ENOPH1: variants seen among roughly 807,000 people sequenced by gnomAD.
The protein encoded by ENOPH1 is enolase-phosphatase E1.
Under a neutral mutation model 31.1 loss-of-function variants are expected in ENOPH1, and 14 were observed. That is an observed-to-expected ratio of 0.45 (90% CI 0.30 to 0.70). The LOEUF is 0.70. ENOPH1 is among the 30% of genes least tolerant of loss of function. ENOPH1 has a pLI of 0.09. For missense variants in ENOPH1, 243 were observed against 321.5 expected (o/e 0.76, Z 1.87); for synonymous variants, 127 against 123.2 (o/e 1.03, Z -0.21).
chr4:82,449,197 G>A (rs1175713724), intron 2 of ENOPH1, among the ~76,000 whole-genome samples: 1 of 152,128 alleles, frequency 6.6e-6, no homozygotes, highest in African/African-American at 2.4e-5. Flanking sequence ...CCGAGATGGC[G>A]CCACTGCACT....
intron 1 of ENOPH1, among the ~76,000 whole-genome samples, chr4:82,447,573 C>T (rs7655096): frequency 0.022 from 3,280 of 152,302 alleles, 123 homozygotes; most frequent in African/African-American, 0.074. Context: ...TTAGGCTTTG[C>T]AGGCCCTATG....
chr4:82,451,170 G>A lies in ENOPH1; in HGVS notation c.314G>A (p.Arg105Gln), dbSNP rs752920017. 36 of 1,614,102 alleles carry A rather than the reference G, an allele frequency of 2.2e-5. No individual in the cohort carries two copies. The highest frequency in any genetic ancestry group is 5.5e-5 in the South Asian group (5 of 91,092). ...DNVCWQMSLD[R>Q]KTTALKQLQG... ...GTGTGCTGGCAGATGTCCCTGGATC[G>A]AAAGACCACTGCACTCAAACAGCTG... Residue 105 changes from arginine to glutamine, a missense_variant, in exon 3 of 6, where the codon CGA (arginine) becomes CAA (glutamine). Coordinates refer to ENST00000273920, the MANE Select transcript of ENOPH1 (RefSeq NM_021204.5).
At chr4:82,456,372 A>T (rs1396940762) in intron 4 of ENOPH1, among the ~76,000 whole-genome samples, 5 of 152,202 alleles carry the variant, frequency 3.3e-5, no homozygotes, top group Non-Finnish European at 5.9e-5. Flanking sequence ...TGGTCAAATT[A>T]GCAAGTTACA....
At chr4:82,454,886 C>A in intron 4 of ENOPH1, 32 bp downstream of exon 4, 1 of 1,588,340 alleles carries the variant, frequency 6.3e-7, no homozygotes, top group Non-Finnish European at 8.6e-7. Context: ...GTTGTTTTGA[C>A]GCTATCAAAG....
chr4:82,438,892 C>T lies in ENOPH1; in HGVS notation c.84+7979C>T, dbSNP rs539059367. ...AAAGAAAACAAAGTATTCTTTTTTA[C>T]AATAAAAGGTTATTTTTATATGAAA... is the stretch of plus-strand genomic sequence containing the variant. On this transcript the variant is annotated intron_variant, in intron 1 of 5. Transcript: ENST00000273920. 2.6e-3 allele frequency among the ~76,000 whole-genome samples: 401 copies of T among 152,260 alleles called. 1 individual carries two copies. The highest frequency in any genetic ancestry group is 9.4e-3 in the African/African-American group (390 of 41,542).
At chr4:82,435,082 T>TACCTCTGGTGTTTG (rs1721873864) in intron 1 of ENOPH1, among the ~76,000 whole-genome samples, 1 of 152,108 alleles carries the variant, frequency 6.6e-6, no homozygotes, top group African/African-American at 2.4e-5. Flanking sequence ...GCAGGACACA[T>TACCTCTGGTGTTTG]ACCTCTGGTG....
At chr4:82,452,030 C>G (rs2110045524) in intron 3 of ENOPH1, among the ~76,000 whole-genome samples, 1 of 151,994 alleles carries the variant, frequency 6.6e-6, no homozygotes, top group South Asian at 2.1e-4. Context: ...ATCTGCCTGC[C>G]TTGGACTCCC....
At chr4:82,440,276 G>A (rs1396217808) in intron 1 of ENOPH1, among the ~76,000 whole-genome samples, 1 of 152,140 alleles carries the variant, frequency 6.6e-6, no homozygotes. Flanking sequence ...CATTTTCTTT[G>A]TATGAAACCT....
At chr4:82,454,078 G>A (rs1340188183) in intron 3 of ENOPH1, among the ~76,000 whole-genome samples, 1 of 150,492 alleles carries the variant, frequency 6.6e-6, no homozygotes, top group African/African-American at 2.4e-5. Flanking sequence ...GCTGGGGGTG[G>A]TAGCACATGC....
At chr4:82,434,470 T>G (rs1721855736) in intron 1 of ENOPH1, among the ~76,000 whole-genome samples, 1 of 151,772 alleles carries the variant, frequency 6.6e-6, no homozygotes, top group Admixed American at 6.6e-5. Flanking sequence ...TCCCAGCACT[T>G]TGGGAGGCCG....
intron 1 of ENOPH1, among the ~76,000 whole-genome samples, chr4:82,431,899 T>A (rs146542214): frequency 1.7e-3 from 256 of 152,028 alleles, no homozygotes; most frequent in African/African-American, 6.0e-3. Flanking sequence ...TTAAAAAAAA[T>A]TATCTGTGAA....
intron 1 of ENOPH1, 110 bp downstream of exon 1, chr4:82,431,023 G>A: frequency 2.7e-6 from 2 of 745,052 alleles, no homozygotes; most frequent in Non-Finnish European, 4.1e-6. Context: ...AGGCGGTGTG[G>A]CTGCCTCTTG....
intron 1 of ENOPH1, among the ~76,000 whole-genome samples, chr4:82,432,381 G>A (rs1560461244): frequency 6.6e-6 from 1 of 151,924 alleles, no homozygotes; most frequent in East Asian, 2.0e-4. Context: ...GTCTCGCTCT[G>A]TTGCCCAGGC....
At chr4:82,444,411 C>T (rs1268461511) in intron 1 of ENOPH1, among the ~76,000 whole-genome samples, 2 of 151,942 alleles carry the variant, frequency 1.3e-5, no homozygotes, top group Non-Finnish European at 2.9e-5. Context: ...TTAGTAGAGA[C>T]GGGGTTTCAC....
At chr4:82,455,169 T>C (rs1237258357) in intron 4 of ENOPH1, among the ~76,000 whole-genome samples, 2 of 152,206 alleles carry the variant, frequency 1.3e-5, no homozygotes, top group African/African-American at 4.8e-5. Flanking sequence ...TTTCTGGCTC[T>C]TTGAAGAAAT....
At chr4:82,458,831 C>T (rs575593602) in intron 5 of ENOPH1, among the ~76,000 whole-genome samples, 2 of 152,248 alleles carry the variant, frequency 1.3e-5, no homozygotes, top group African/African-American at 4.8e-5. Context: ...GAAGACATTC[C>T]CACACAGAGA....
intron 1 of ENOPH1, 52 bp downstream of exon 1, chr4:82,430,965 A>G (rs1207072656): frequency 6.5e-7 from 1 of 1,542,804 alleles, no homozygotes; most frequent in Non-Finnish European, 8.9e-7. Flanking sequence ...AACAGTTATT[A>G]TTTTTTCTAA....
In ENOPH1 at chr4:82,460,139, G is replaced by C; in HGVS notation, c.*19G>C. On this transcript the variant is annotated 3_prime_UTR_variant, in exon 6 of 6. Coordinates refer to ENST00000273920, the MANE Select transcript of ENOPH1 (RefSeq NM_021204.5). The stretch of plus-strand genomic sequence containing the variant: ...AACCTAGAGAAGGGTTGTTAAGGCA[G>C]ACCGCCCTGTTCCCCAGAGTTGTCC... 6.2e-7 allele frequency: 1 copy of C among 1,613,900 alleles called. No individual in the cohort carries two copies. The highest frequency in any genetic ancestry group is 8.5e-7 in the Non-Finnish European group (1 of 1,179,838).
At position 82,451,233 on chromosome 4, in the gene ENOPH1, G is replaced by T. The variant is rs148501831; in HGVS notation, c.377G>T (p.Arg126Leu). ...HMWRAAFTAG[R>L]MKAEFFADVV... Reference sequence around the variant, plus strand: ...TGGAGGGCGGCATTCACAGCTGGGCGCATGAAAGCAGAGTATGTGCTTGAG... The same window carrying T: ...TGGAGGGCGGCATTCACAGCTGGGCTCATGAAAGCAGAGTATGTGCTTGAG... Residue 126 changes from arginine (R) to leucine (L), a missense_variant, in exon 3 of 6, where the codon CGC (arginine) becomes CTC (leucine). Physicochemically the swap from Arg to Leu is moderately radical, Grantham distance 102. Coordinates refer to ENST00000273920, the MANE Select transcript of ENOPH1 (RefSeq NM_021204.5). 26 of 1,614,134 alleles carry T rather than the reference G, an allele frequency of 1.6e-5. No individual in the cohort carries two copies. The highest frequency in any genetic ancestry group is 2.0e-5 in the Non-Finnish European group (24 of 1,180,022).
Sources: allele counts gnomAD v4.1 joint callset (sites outside exome capture counted in the v4.1 genomes callset), GRCh38; gene constraint gnomAD v4.1.1; transcripts MANE v1.5; gene names NCBI Gene and HGNC (gene_info 2026-07-23, HGNC 2026-07-21).